The following ZNF430 variants were observed in gnomAD, a reference collection of about 807,000 sequenced individuals.
The protein encoded by ZNF430 is zinc finger protein 430.
In ZNF430, 35 loss-of-function variants were observed where a neutral mutation model predicts 56.7. The observed-to-expected ratio is 0.62, with a 90% CI of 0.47 to 0.82. ZNF430 has a LOEUF of 0.82. ZNF430 is among the 40% of genes least tolerant of loss of function. ZNF430 has a pLI of 0.00. For synonymous variants in ZNF430, 212 were observed against 224.3 expected, an observed-to-expected ratio of 0.94 and a Z score of 0.49; for missense variants, 574 against 661.0, an observed-to-expected ratio of 0.87 and a Z score of 1.44.
rs543730034 is a variant in ZNF430, at chr19:21,036,816, A to C, written c.322+2632A>C. 2.0e-5 allele frequency: 3 copies of C among 151,998 alleles called. No homozygotes were observed. In the East Asian group the frequency reaches 5.8e-4, roughly 29 times the overall value. The allele number at this position is 151,998 out of a possible 1,614,324, so 9.4% of individuals were successfully genotyped here. ...GACTGTGTCTCCAAAAAAAAAAAAA[A>C]AAACCACAGCTCTACATTTCAGGCA... On this transcript the variant is annotated intron_variant, in intron 4 of 4. Transcript: ENST00000261560.
At chr19:21,029,556 A>G (rs533275697) in intron 2 of ZNF430, among the ~76,000 whole-genome samples, 1 of 152,320 alleles carries the variant, frequency 6.6e-6, no homozygotes, top group African/African-American at 2.4e-5. Flanking sequence ...CAGAGAGAAC[A>G]TAATTCTACA....
intron 1 of ZNF430, among the ~76,000 whole-genome samples, chr19:21,021,706 T>C (rs1293605034): frequency 6.6e-6 from 1 of 151,940 alleles, no homozygotes; most frequent in African/African-American, 2.4e-5. Flanking sequence ...GTTTGTACAA[T>C]AAAGGTGAAA....
intron 4 of ZNF430, among the ~76,000 whole-genome samples, chr19:21,054,916 C>G (rs538820590): frequency 6.6e-6 from 1 of 152,074 alleles, no homozygotes; most frequent in South Asian, 2.1e-4. Flanking sequence ...CCTCGTGATG[C>G]ACCTGTCTCA....
At chr19:21,046,979 A>G (rs936835383) in intron 4 of ZNF430, among the ~76,000 whole-genome samples, 55 of 152,268 alleles carry the variant, frequency 3.6e-4, no homozygotes, top group South Asian at 6.2e-4. Flanking sequence ...CCAGTCAGTC[A>G]TAGGTTCGGT....
rs565975859 is a variant in ZNF430 at position 21,041,910 on chromosome 19, C to T, written c.322+7726C>T. Reference sequence around the variant, plus strand: ...TGAATTTTTAGTAGAGATGGGGTTTCGCCACACTGGCCAGGATGGTCTTGA... The same window carrying T: ...TGAATTTTTAGTAGAGATGGGGTTTTGCCACACTGGCCAGGATGGTCTTGA... On this transcript the variant is annotated intron_variant, in intron 4 of 4. Transcript: ENST00000261560. Among the ~76,000 whole-genome samples the T allele has an allele frequency of 5.9e-5, 9 of 152,190 alleles. No individual in the cohort carries two copies. The South Asian group carries it at 1.5e-3, about 25-fold the overall frequency.
At chr19:21,054,769 G>T (rs1209980427) in intron 4 of ZNF430, among the ~76,000 whole-genome samples, 1 of 137,636 alleles carries the variant, frequency 7.3e-6, no homozygotes, top group South Asian at 2.4e-4. Context: ...CCGCCTCCCC[G>T]GTTCACGCCA....
intron 4 of ZNF430, among the ~76,000 whole-genome samples, chr19:21,043,469 T>C (rs1968141236): frequency 6.6e-6 from 1 of 151,888 alleles, no homozygotes; most frequent in Non-Finnish European, 1.5e-5. Context: ...TTCTTTTTCA[T>C]TGGTCTATGT....
intron 1 of ZNF430, 135 bp downstream of exon 1, chr19:21,020,938 C>G: frequency 2.4e-6 from 3 of 1,254,540 alleles, no homozygotes; most frequent in Admixed American, 1.7e-5. Flanking sequence ...CCAGCTGGGC[C>G]TCAGTCCCCA....
chr19:21,053,753 A>G (rs1599508307), intron 4 of ZNF430, among the ~76,000 whole-genome samples: 2 of 152,332 alleles, frequency 1.3e-5, no homozygotes, highest in East Asian at 3.9e-4. Flanking sequence ...AAAGTTAGTT[A>G]TATATATGTA....
intron 4 of ZNF430, among the ~76,000 whole-genome samples, chr19:21,040,108 G>A (rs1392133071): frequency 6.6e-6 from 1 of 152,092 alleles, no homozygotes; most frequent in Admixed American, 6.6e-5. Flanking sequence ...AAATTGTTGG[G>A]ATTAGATGTA....
At chr19:21,051,859 G>T (rs1968289712) in intron 4 of ZNF430, among the ~76,000 whole-genome samples, 1 of 152,078 alleles carries the variant, frequency 6.6e-6, no homozygotes, top group Admixed American at 6.5e-5. Context: ...AATGTATTTT[G>T]AAATCAGGAA....
intron 4 of ZNF430, among the ~76,000 whole-genome samples, chr19:21,038,290 A>G (rs1044999090): frequency 1.3e-5 from 2 of 152,188 alleles, no homozygotes; most frequent in South Asian, 4.1e-4. Flanking sequence ...TTAAAAGACT[A>G]TTGTTTCCTC....
At position 21,058,012 on chromosome 19, in the gene ZNF430, AC is replaced by A; in HGVS notation, c.1705del (p.Gln569LysfsTer13). 5.0e-6 allele frequency: 8 copies of A among 1,610,936 alleles called. No individual in the cohort carries two copies. Among genetic ancestry groups the A allele is most frequent in the Non-Finnish European group, 6.8e-6 (8 of 1,178,812 alleles). On this transcript the variant is annotated frameshift_variant, in exon 5 of 5. Transcript: ENST00000261560. LOFTEE classifies it high-confidence loss of function. ...QSNSYWRETL[Q>X]M ...GTAATTCATACTGGAGAGAAACCCT[AC>A]AAATGTGAAGATTGTGGCAAAGCCT... is the stretch of plus-strand genomic sequence containing the variant.
In ZNF430 at chr19:21,053,925, A is replaced by G. The variant is rs560832675; in HGVS notation, c.323-2706A>G. On this transcript the variant is annotated intron_variant, in intron 4 of 4. Coordinates refer to ENST00000261560, the MANE Select transcript of ZNF430 (RefSeq NM_025189.4). ...TTTCTTATTTTGTTTGTGTATCTAT[A>G]CAAATATATTATTTGTGCTATCTTG... Among the ~76,000 whole-genome samples the G allele has an allele frequency of 1.4e-4, 21 of 152,050 alleles. No homozygotes were observed. In the South Asian group the frequency reaches 4.4e-3, roughly 32 times the overall value.
At chr19:21,040,675 A>C (rs1968086257) in intron 4 of ZNF430, among the ~76,000 whole-genome samples, 1 of 152,198 alleles carries the variant, frequency 6.6e-6, no homozygotes, top group Non-Finnish European at 1.5e-5. Flanking sequence ...AATACAGTCT[A>C]TAATGTTGTC....
At chr19:21,055,626 G>GT (rs1413303850) in intron 4 of ZNF430, among the ~76,000 whole-genome samples, 1 of 151,762 alleles carries the variant, frequency 6.6e-6, no homozygotes, top group South Asian at 2.1e-4. Flanking sequence ...CTTTTCTTTT[G>GT]TTTTTTTAGT....
Position 21,057,880 on chromosome 19 carries a change from G to A in ZNF430, c.1572G>A (p.Gln524=). The change falls in exon 5 of 5, where the codon CAG becomes CAA. Residue 524 remains glutamine, a synonymous_variant. Coordinates refer to ENST00000261560, the MANE Select transcript of ZNF430 (RefSeq NM_025189.4). ...KYLECDKAFS[Q]SSTLTKHKVI... is the part of the protein sequence containing the mutation. ...TAGAATGTGATAAAGCCTTTAGCCA[G>A]TCTTCAACTCTTACTAAACATAAGG... 2 of 1,613,872 alleles carry A rather than the reference G, an allele frequency of 1.2e-6. No homozygotes were observed. The highest frequency in any genetic ancestry group is 1.7e-6 in the Non-Finnish European group (2 of 1,179,902).
rs1436532340 is a variant in ZNF430, at chr19:21,022,025, ACGGGGTTT to A, written c.4-762_4-755del. Among the ~76,000 whole-genome samples the A allele has an allele frequency of 2.6e-5, 4 of 152,078 alleles. No individual in the cohort carries two copies. In the East Asian group the frequency reaches 7.7e-4, roughly 29 times the overall value. ...GCTAATTTTTGTACTTTTAGTAGAG[ACGGGGTTT>A]CACCATGTTGGCCTGGCTGGCCTCG... On this transcript the variant is annotated intron_variant, in intron 1 of 4. Coordinates refer to ENST00000261560, the MANE Select transcript of ZNF430 (RefSeq NM_025189.4).
At chr19:21,030,336 C>G (rs1324873438) in intron 2 of ZNF430, among the ~76,000 whole-genome samples, 1 of 152,142 alleles carries the variant, frequency 6.6e-6, no homozygotes, top group African/African-American at 2.4e-5. Context: ...ATGCTGAACC[C>G]TTTATCTAAG....
Sources: gnomAD v4.1 joint callset for allele counts (sites outside exome capture counted in the v4.1 genomes callset) on GRCh38, gnomAD v4.1.1 for gene constraint, MANE v1.5 for transcripts, NCBI Gene and HGNC (gene_info 2026-07-23, HGNC 2026-07-21) for gene names.